EGFR: variants seen among roughly 807,000 people sequenced by gnomAD.
EGFR encodes epidermal growth factor receptor.
Under a neutral mutation model 143.0 loss-of-function variants are expected in EGFR, and 58 were observed. The observed-to-expected ratio is 0.41, with a 90% confidence interval of 0.33 to 0.50. The LOEUF is 0.50. Among genes scored for constraint, EGFR ranks in the 20% least tolerant of loss-of-function variants. The pLI is 0.39. For missense variants in EGFR, 1,307 were observed against 1,579.0 expected (o/e 0.83, Z 2.92); for synonymous variants, 613 against 594.4 (o/e 1.03, Z -0.45).
At chr7:55,061,612 A>ATG (rs1205967063) in intron 1 of EGFR, among the ~76,000 whole-genome samples, 4,377 of 126,184 alleles carry the variant, frequency 0.035, 96 homozygotes, top group Middle Eastern at 0.067. Context: ...GTCTCCAGGG[A>ATG]TGTGTGTGTG....
intron 1 of EGFR, among the ~76,000 whole-genome samples, chr7:55,113,471 A>G (rs773636823): frequency 6.6e-6 from 1 of 152,178 alleles, no homozygotes; most frequent in Non-Finnish European, 1.5e-5. Flanking sequence ...TGTTTGCAGG[A>G]TGGTGGTTTT....
At chr7:55,188,416 C>T (rs542991648) in intron 20 of EGFR, among the ~76,000 whole-genome samples, 8 of 152,318 alleles carry the variant, frequency 5.3e-5, no homozygotes, top group African/African-American at 7.2e-5. Context: ...GAATAAGCCC[C>T]GACAGCCATG....
At chr7:55,084,943 A>G (rs1398316240) in intron 1 of EGFR, among the ~76,000 whole-genome samples, 1 of 152,120 alleles carries the variant, frequency 6.6e-6, no homozygotes, top group Non-Finnish European at 1.5e-5. Context: ...GTGATCTTCC[A>G]TAGTCAGGCA....
rs773996588 is a variant in EGFR at position 55,205,337 on chromosome 7, C to T, written c.3353C>T (p.Ala1118Val). The change falls in exon 28 of 28, where the codon GCG becomes GTG. Residue 1118 changes from alanine to valine, a missense_variant. Physicochemically the swap from Ala to Val is moderately conservative, Grantham distance 64. This residue lies in a region of EGFR where 313 missense variants were observed against 312.3 expected (regional missense o/e 1.00). Transcript: ENST00000275493. Reference protein sequence around the residue: ...PVYHNQPLNPAPSRDPHYQDP... With the variant: ...PVYHNQPLNPVPSRDPHYQDP... ...TATCACAATCAGCCTCTGAACCCCG[C>T]GCCCAGCAGAGACCCACACTACCAG... 2.7e-5 allele frequency: 44 copies of T among 1,611,500 alleles called. No individual in the cohort carries two copies. The Admixed American group carries it at 4.0e-4, about 15-fold the overall frequency.
chr7:55,179,213 A>C (rs1786743261), intron 19 of EGFR, among the ~76,000 whole-genome samples: 1 of 152,252 alleles, frequency 6.6e-6, no homozygotes, highest in Non-Finnish European at 1.5e-5. Flanking sequence ...AGTACAGATT[A>C]TGATGACTGC....
intron 4 of EGFR, among the ~76,000 whole-genome samples, chr7:55,150,903 A>G (rs1258315642): frequency 6.6e-6 from 1 of 152,206 alleles, no homozygotes; most frequent in African/African-American, 2.4e-5. Context: ...AAGACTGGAC[A>G]CAGCAAGGAA....
intron 1 of EGFR, among the ~76,000 whole-genome samples, chr7:55,103,762 G>C (rs1226982274): frequency 2.0e-5 from 3 of 152,174 alleles, no homozygotes; most frequent in African/African-American, 7.2e-5. Context: ...TCTGGAAACT[G>C]TTTCTTCCTT....
At chr7:55,154,683 G>A (rs1412069847) in intron 7 of EGFR, among the ~76,000 whole-genome samples, 1 of 152,196 alleles carries the variant, frequency 6.6e-6, no homozygotes. Context: ...TTGGGTTTGA[G>A]TTTTGCTTGT....
At chr7:55,203,982 A>T (rs1336627431) in intron 27 of EGFR, among the ~76,000 whole-genome samples, 1 of 151,132 alleles carries the variant, frequency 6.6e-6, no homozygotes, top group Non-Finnish European at 1.5e-5. Context: ...ATATGTATAT[A>T]AAGATTTAGA....
In EGFR at chr7:55,155,915, G is replaced by A. The variant is rs752278049; in HGVS notation, c.975G>A (p.Lys325=). ...SYEMEEDGVR[K]CKKCEGPCRK... Reference sequence around the variant, plus strand: ...AGATGGAGGAAGACGGCGTCCGCAAGTGTAAGAAGTGCGAAGGGCCTTGCC... The same window carrying A: ...AGATGGAGGAAGACGGCGTCCGCAAATGTAAGAAGTGCGAAGGGCCTTGCC... Residue 325 remains lysine (K), a synonymous_variant, in exon 8 of 28, where the codon AAG becomes AAA. Coordinates refer to ENST00000275493, the MANE Select transcript of EGFR (RefSeq NM_005228.5). 8 of 1,613,976 alleles carry A rather than the reference G, an allele frequency of 5.0e-6. No individual in the cohort carries two copies. Among genetic ancestry groups the A allele is most frequent in the Non-Finnish European group, 6.8e-6 (8 of 1,180,024 alleles).
chr7:55,033,398 A>G (rs925503987), intron 1 of EGFR, among the ~76,000 whole-genome samples: 2 of 152,184 alleles, frequency 1.3e-5, no homozygotes, highest in African/African-American at 4.8e-5. Context: ...AGACTCTGCC[A>G]TATGCCCTGG....
chr7:55,100,229 C>G (rs868401447), intron 1 of EGFR, among the ~76,000 whole-genome samples: 1 of 152,202 alleles, frequency 6.6e-6, no homozygotes, highest in African/African-American at 2.4e-5. Context: ...ACCTAAACCA[C>G]CCTGGGTCAC....
At chr7:55,019,548 C>T (rs1306221733) in intron 1 of EGFR, among the ~76,000 whole-genome samples, 183 bp downstream of exon 1, 1 of 152,084 alleles carries the variant, frequency 6.6e-6, no homozygotes, top group African/African-American at 2.4e-5. Flanking sequence ...TTTCGTTCTT[C>T]GGCCGGGAGA....
chr7:55,032,363 A>C (rs1203713580), intron 1 of EGFR, among the ~76,000 whole-genome samples: 1 of 152,210 alleles, frequency 6.6e-6, no homozygotes, highest in African/African-American at 2.4e-5. Context: ...GGTGGAGGCT[A>C]AATGGGCCTT....
At chr7:55,167,634 G>A (rs1011514177) in intron 15 of EGFR, among the ~76,000 whole-genome samples, 1 of 151,204 alleles carries the variant, frequency 6.6e-6, no homozygotes, top group Non-Finnish European at 1.5e-5. Flanking sequence ...GAGGAGGTGA[G>A]AGTCACAATG....
chr7:55,201,139 A>G (rs1239243142), intron 24 of EGFR, 49 bp from the exon 25 acceptor site: 2 of 1,613,260 alleles, frequency 1.2e-6, no homozygotes, highest in Admixed American at 1.7e-5. Flanking sequence ...CAAGAAGTGG[A>G]ATAGCATCTC....
intron 1 of EGFR, among the ~76,000 whole-genome samples, chr7:55,067,319 C>T (rs1229413491): frequency 6.8e-6 from 1 of 145,988 alleles, no homozygotes; most frequent in Admixed American, 6.6e-5. Context: ...AGAGCCGGAG[C>T]CCATGGGGAA....
intron 1 of EGFR, among the ~76,000 whole-genome samples, chr7:55,136,379 T>A (rs17289519): frequency 0.012 from 1,845 of 152,308 alleles, 35 homozygotes; most frequent in African/African-American, 0.043. Context: ...ACTCTTCCCA[T>A]ACAGCCCACC....
intron 1 of EGFR, among the ~76,000 whole-genome samples, chr7:55,058,431 A>G (rs1410941299): frequency 6.6e-6 from 1 of 152,096 alleles, no homozygotes; most frequent in African/African-American, 2.4e-5. Context: ...TACACTATTC[A>G]CAATAGCAAA....
Sources: gnomAD v4.1 joint callset for allele counts (sites outside exome capture counted in the v4.1 genomes callset) on GRCh38, gnomAD v4.1.1 for gene constraint, gnomAD v4.1.1 regional missense constraint, MANE v1.5 for transcripts, NCBI Gene and HGNC (gene_info 2026-07-23, HGNC 2026-07-21) for gene names.